AOX1: variants seen among roughly 807,000 people sequenced by gnomAD.
AOX1 encodes the protein aldehyde oxidase.
Under a neutral mutation model 169.5 loss-of-function variants are expected in AOX1, and 153 were observed. That is an observed-to-expected ratio of 0.90 (90% confidence interval 0.79 to 1.03). The LOEUF is 1.03. AOX1 is among the 50% of genes least tolerant of loss of function. AOX1 has a pLI of 0.00. For synonymous variants in AOX1, 562 were observed against 581.9 expected, an observed-to-expected ratio of 0.97 and a Z score of 0.49; for missense variants, 1,656 against 1,663.9, an observed-to-expected ratio of 1.00 and a Z score of 0.08.
intron 19 of AOX1, among the ~76,000 whole-genome samples, chr2:200,625,251 C>T (rs1400046501): frequency 6.6e-6 from 1 of 152,092 alleles, no homozygotes; most frequent in Non-Finnish European, 1.5e-5. Context: ...TATATTCTGT[C>T]CCCTGAAGTT....
Position 200,604,676 on chromosome 2 carries a change from C to T in AOX1, c.670-20C>T. The T allele has an allele frequency of 6.2e-7, 1 of 1,613,604 alleles. No individual in the cohort carries two copies. ...GATGGCATCATTGGGTACCTTGAAT[C>T]CCTATTGCTTTTTCAATAGATAATG... On this transcript the variant is annotated intron_variant, in intron 8 of 34. Transcript: ENST00000374700.
chr2:200,617,147 T>C (rs1478302663), intron 16 of AOX1, among the ~76,000 whole-genome samples: 1 of 152,188 alleles, frequency 6.6e-6, no homozygotes, highest in Non-Finnish European at 1.5e-5. Flanking sequence ...CTTCACATAG[T>C]GCATGATCTT....
At chr2:200,627,313 C>A (rs201665840) in intron 19 of AOX1, 40 bp from the exon 20 acceptor site, 255 of 1,437,288 alleles carry the variant, frequency 1.8e-4, no homozygotes, top group Non-Finnish European at 2.0e-4. Context: ...AGGGCAGGGT[C>A]TCTTGCCCAA....
chr2:200,635,523 G>T (rs2035212053), intron 21 of AOX1, among the ~76,000 whole-genome samples: 1 of 152,348 alleles, frequency 6.6e-6, no homozygotes, highest in South Asian at 2.1e-4. Flanking sequence ...GTCCCACAAA[G>T]AAGTCTTAAG....
intron 21 of AOX1, among the ~76,000 whole-genome samples, chr2:200,635,203 T>A (rs2105740065): frequency 6.6e-6 from 1 of 152,290 alleles, no homozygotes; most frequent in South Asian, 2.1e-4. Context: ...ATTTCAGTAT[T>A]AATAGCCATA....
chr2:200,635,906 G>A (rs1400636190), intron 21 of AOX1, among the ~76,000 whole-genome samples: 1 of 152,096 alleles, frequency 6.6e-6, no homozygotes, highest in Non-Finnish European at 1.5e-5. Flanking sequence ...AAGAGGGTCA[G>A]ACGAACTCCA....
Position 200,650,965 on chromosome 2 carries a change from C to A in AOX1, c.2848-9C>A. On this transcript the variant is annotated splice_polypyrimidine_tract_variant and intron_variant, in intron 25 of 34. Transcript: ENST00000374700. ...CCCCTCCCAGCTTTAATCTCCTTTT[C>A]TTTCATAGGTGCGAATCATAAACAT... is the stretch of plus-strand genomic sequence containing the variant. The A allele has an allele frequency of 6.2e-7, 1 of 1,613,392 alleles. No individual in the cohort carries two copies. The highest frequency in any genetic ancestry group is 8.5e-7 in the Non-Finnish European group (1 of 1,179,420).
At chr2:200,634,147 G>A (rs953910549) in intron 20 of AOX1, among the ~76,000 whole-genome samples, 2 of 147,406 alleles carry the variant, frequency 1.4e-5, no homozygotes, top group Non-Finnish European at 3.0e-5. Context: ...GCTAGGGAGA[G>A]TGGGCTTTTC....
chr2:200,650,099 G>C (rs931354424), intron 25 of AOX1, among the ~76,000 whole-genome samples: 1 of 152,140 alleles, frequency 6.6e-6, no homozygotes. Flanking sequence ...TCTCTTGAAC[G>C]TGTGGGAGGC....
In AOX1 at chr2:200,636,974, G is replaced by T; in HGVS notation, c.2410G>T (p.Gly804Cys). Residue 804 changes from glycine (G) to cysteine (C), a missense_variant, in exon 22 of 35, where the codon GGT (glycine) becomes TGT (cysteine). Transcript: ENST00000374700. ...GGTCATGTGCCATGTAAGGCGTGTTGGTGGAGCGTTTGGAGGGAAGGTGTT... is the reference window on the plus strand; with the variant it reads ...GGTCATGTGCCATGTAAGGCGTGTTTGTGGAGCGTTTGGAGGGAAGGTGTT... Reference protein sequence around the residue: ...NKVMCHVRRVGGAFGGKVLKT... With the variant: ...NKVMCHVRRVCGAFGGKVLKT... 2.5e-6 allele frequency: 4 copies of T among 1,614,134 alleles called. No individual in the cohort carries two copies. Among genetic ancestry groups the T allele is most frequent in the Non-Finnish European group, 3.4e-6 (4 of 1,180,006 alleles).
At chr2:200,600,795 G>T (rs993271363) in intron 5 of AOX1, among the ~76,000 whole-genome samples, 1 of 152,102 alleles carries the variant, frequency 6.6e-6, no homozygotes, top group Non-Finnish European at 1.5e-5. Flanking sequence ...GTGATAAGGG[G>T]TTCTCAGATT....
chr2:200,653,879 A>G (rs368753463), intron 26 of AOX1, among the ~76,000 whole-genome samples: 1 of 152,108 alleles, frequency 6.6e-6, no homozygotes, highest in African/African-American at 2.4e-5. Flanking sequence ...GTGATCAGTT[A>G]TCTTTGATTT....
intron 4 of AOX1, among the ~76,000 whole-genome samples, chr2:200,599,061 G>C (rs958480417): frequency 2.6e-5 from 4 of 152,112 alleles, no homozygotes; most frequent in African/African-American, 4.8e-5. Flanking sequence ...TTACAATGTT[G>C]CCAGAAGACA....
Position 200,662,969 on chromosome 2 carries a change from G to A in AOX1, c.3543G>A (p.Lys1181=), listed in dbSNP as rs2035857012. ...TAGACTGCCTGACGGGGGATCATAA[G>A]GTCAGTACCGGTTGGAAAGGTCTTC... ...VEIDCLTGDH[K]NIRTDIVMDV... The change falls in exon 31 of 35, where the codon AAG becomes AAA. Residue 1181 remains lysine (K), a splice_region_variant and synonymous_variant. Transcript: ENST00000374700. The A allele has an allele frequency of 6.2e-7, 1 of 1,612,900 alleles. No homozygotes were observed. Among genetic ancestry groups the A allele is most frequent in the East Asian group, 2.2e-5 (1 of 44,868 alleles).
At chr2:200,609,838 T>TCC (rs2034598113) in intron 12 of AOX1, among the ~76,000 whole-genome samples, 2 of 152,204 alleles carry the variant, frequency 1.3e-5, no homozygotes, top group African/African-American at 4.8e-5. Context: ...ACAGGTCTTT[T>TCC]TCAGGTGAAA....
chr2:200,621,116 C>G lies in AOX1; in HGVS notation c.1875-4C>G, dbSNP rs1222889580. On this transcript the variant is annotated splice_polypyrimidine_tract_variant and splice_region_variant and intron_variant, in intron 17 of 34. Coordinates refer to ENST00000374700, the MANE Select transcript of AOX1 (RefSeq NM_001159.4). ...TAAGGAGCTCTGCTGTGTATATCAT[C>G]TAGGTCTATTGATCTGTCAGAAGCT... 2 of 1,612,016 alleles carry G rather than the reference C, an allele frequency of 1.2e-6. No homozygotes were observed. Among genetic ancestry groups the G allele is most frequent in the Non-Finnish European group, 1.7e-6 (2 of 1,179,562 alleles).
chr2:200,657,188 A>ATTTTTTTT (rs1309414882), intron 27 of AOX1, among the ~76,000 whole-genome samples: 12 of 68,580 alleles, frequency 1.7e-4, no homozygotes, highest in African/African-American at 4.2e-4. Flanking sequence ...ATATATATAT[A>ATTTTTTTT]TATTTTTTTT....
intron 32 of AOX1, 57 bp downstream of exon 32, chr2:200,666,809 G>A: frequency 8.0e-7 from 1 of 1,243,312 alleles, no homozygotes; most frequent in Middle Eastern, 1.9e-4. Flanking sequence ...GTGCGGTGGG[G>A]TCTGCAGGAG....
intron 2 of AOX1, among the ~76,000 whole-genome samples, chr2:200,593,996 GTTTC>G (rs1427485681): frequency 4.6e-5 from 7 of 152,192 alleles, no homozygotes; most frequent in Non-Finnish European, 5.9e-5. Flanking sequence ...GAAGGTAGGA[GTTTC>G]TTTCTTTCTC....
Sources: allele counts gnomAD v4.1 joint callset (sites outside exome capture counted in the v4.1 genomes callset), GRCh38; gene constraint gnomAD v4.1.1; transcripts MANE v1.5; gene names NCBI Gene and HGNC (gene_info 2026-07-23, HGNC 2026-07-21).